ADAMTSL2: variants seen among roughly 807,000 people sequenced by gnomAD.
ADAMTSL2 encodes the protein ADAMTS-like protein 2.
Under a neutral mutation model 117.0 loss-of-function variants are expected in ADAMTSL2, and 55 were observed. The ratio of observed to expected loss-of-function variants is 0.47; its 90% CI spans 0.38 to 0.59. The LOEUF (loss-of-function observed/expected upper bound fraction) is 0.59. ADAMTSL2 is among the 20% of genes least tolerant of loss of function. The pLI, the probability that ADAMTSL2 is intolerant of heterozygous loss-of-function variation, is 0.00. For missense variants in ADAMTSL2, 1,182 were observed against 1,354.5 expected, an observed-to-expected ratio of 0.87 and a Z score of 2.00; for synonymous variants, 572 against 566.4, an observed-to-expected ratio of 1.01 and a Z score of -0.14.
Position 133,539,871 on chromosome 9 carries a change from C to A in ADAMTSL2, c.410C>A (p.Pro137Gln). The change falls in exon 5 of 19, where the codon CCG becomes CAG. Residue 137 changes from proline (P) to glutamine (Q), a missense_variant and splice_region_variant. Physicochemically the swap from Pro to Gln is moderately conservative, Grantham distance 76. Around this residue, in one of 3 missense-constraint regions of ADAMTSL2, gnomAD observed 372 missense variants for 463.4 expected, o/e 0.80. Coordinates refer to ENST00000651351, the MANE Select transcript of ADAMTSL2 (RefSeq NM_014694.4). ...ACGCACCAGTGGAAGCCTCTGTACC[C>A]GGGTACCTGCCGCCCTGGGGACCCA... ...GRTHQWKPLYPDDYVHISSKP... is the reference protein window; with the variant it reads ...GRTHQWKPLYQDDYVHISSKP... 1 of 1,550,902 alleles carries A rather than the reference C, an allele frequency of 6.4e-7. No homozygotes were observed. The highest frequency in any genetic ancestry group is 2.4e-5 in the East Asian group (1 of 40,922).
At chr9:133,536,935 A>G (rs1373961473) in intron 2 of ADAMTSL2, 133 bp downstream of exon 2, 59 of 1,440,754 alleles carry the variant, frequency 4.1e-5, no homozygotes, top group Non-Finnish European at 5.1e-5. Context: ...CTTGGCTCCT[A>G]GAAACTTCTG....
intron 7 of ADAMTSL2, among the ~76,000 whole-genome samples, chr9:133,541,642 G>A (rs936357930): frequency 1.1e-4 from 16 of 152,174 alleles, no homozygotes; most frequent in Admixed American, 4.6e-4. Context: ...TTCTCTCCAC[G>A]GATATGAGGT....
intron 12 of ADAMTSL2, among the ~76,000 whole-genome samples, chr9:133,563,008 G>A (rs1288128968): frequency 6.6e-6 from 1 of 151,964 alleles, no homozygotes; most frequent in Non-Finnish European, 1.5e-5. Flanking sequence ...TGTGGGCGGC[G>A]TGGTGGGCAC....
rs1831212356 is a variant in ADAMTSL2 at position 133,575,512 on chromosome 9, T to TGGC, written c.*652_*654dup. On this transcript the variant is annotated 3_prime_UTR_variant, in exon 19 of 19. Coordinates refer to ENST00000651351, the MANE Select transcript of ADAMTSL2 (RefSeq NM_014694.4). ...TACGTTAATAAAGTGGTCCTATTTA[T>TGGC]GGCGGCATCATGGGGTCTCAGTTGC... 6.5e-6 allele frequency: 1 copy of TGGC among 153,630 alleles called. No homozygotes were observed. Among genetic ancestry groups the TGGC allele is most frequent in the African/African-American group, 2.4e-5 (1 of 41,460 alleles). The allele number at this position is 153,630 out of a possible 1,614,324, so 9.5% of individuals were successfully genotyped here.
At chr9:133,552,784 G>A (rs1240280096) in intron 9 of ADAMTSL2, among the ~76,000 whole-genome samples, 3 of 152,120 alleles carry the variant, frequency 2.0e-5, no homozygotes, top group Admixed American at 2.0e-4. Context: ...CTGAACTATC[G>A]AGTTAAATGC....
At chr9:133,533,096 G>A (rs1341425966), upstream of ADAMTSL2, among the ~76,000 whole-genome samples, 1 of 152,190 alleles carries the variant, frequency 6.6e-6, no homozygotes, top group Non-Finnish European at 1.5e-5. Context: ...GAGAGAGGAA[G>A]GGGATGGCAG....
rs1288093909 is a variant in ADAMTSL2 at position 133,534,816 on chromosome 9, T to TGCACTCACGCCGCCCCC, written c.-247_-231dup. On this transcript the variant is annotated 5_prime_UTR_variant, in exon 1 of 19. The change creates a premature stop within an existing upstream ORF in the 5' untranslated region. Transcript: ENST00000651351. ...GAGAGGGAGGCCGGGCCGCAGCCTC[T>TGCACTCACGCCGCCCCC]GCACTCACGCCGCCCCCGCACGCAC... 15 of 1,493,036 alleles carry TGCACTCACGCCGCCCCC rather than the reference T, an allele frequency of 1.0e-5. No individual in the cohort carries two copies. In the African/African-American group the frequency reaches 2.2e-4, roughly 22 times the overall value. 92.5% of individuals were successfully genotyped at this position (1,493,036 alleles called of 1,614,324 possible). A position where few individuals can be genotyped will look rare whatever the true frequency, so the allele number is the denominator to read the frequency against.
At chr9:133,566,679 C>T (rs1830980823) in intron 12 of ADAMTSL2, among the ~76,000 whole-genome samples, 1 of 151,124 alleles carries the variant, frequency 6.6e-6, no homozygotes, top group South Asian at 2.1e-4. Context: ...GACTCAAAGC[C>T]CGGACTCCGT....
intron 8 of ADAMTSL2, 94 bp downstream of exon 8, chr9:133,544,644 C>A (rs1830306292): frequency 6.4e-6 from 7 of 1,086,356 alleles, no homozygotes; most frequent in Non-Finnish European, 9.9e-6. Flanking sequence ...TGGACCCCTT[C>A]CTCCAGGACA....
intron 9 of ADAMTSL2, among the ~76,000 whole-genome samples, chr9:133,548,413 G>T (rs974114830): frequency 6.6e-6 from 1 of 152,206 alleles, no homozygotes; most frequent in East Asian, 1.9e-4. Context: ...GTGTCTGGAG[G>T]TGGACTGACC....
At chr9:133,555,303 A>G (rs1194086427) in intron 10 of ADAMTSL2, among the ~76,000 whole-genome samples, 4 of 134,148 alleles carry the variant, frequency 3.0e-5, no homozygotes, top group East Asian at 2.6e-4. Flanking sequence ...GGGGGGGGCC[A>G]TGAATTTTGG....
chr9:133,545,591 G>T (rs549725990), intron 8 of ADAMTSL2, among the ~76,000 whole-genome samples: 2 of 152,326 alleles, frequency 1.3e-5, no homozygotes, highest in Non-Finnish European at 2.9e-5. Context: ...CTACTCCCTG[G>T]CCCGAGCGGG....
chr9:133,536,200 A>T (rs11524286), intron 1 of ADAMTSL2, among the ~76,000 whole-genome samples: 49,302 of 152,192 alleles, frequency 0.32, 8,492 homozygotes, highest in South Asian at 0.47. Flanking sequence ...CCTAGCAGCC[A>T]GTGGCAGAGG....
chr9:133,574,072 T>A (rs1831172745), intron 18 of ADAMTSL2, 85 bp downstream of exon 18: 2 of 1,495,216 alleles, frequency 1.3e-6, no homozygotes, highest in Non-Finnish European at 1.8e-6. Context: ...TGAGCAGACA[T>A]TGCTCACCTT....
In ADAMTSL2 at chr9:133,558,447, T is replaced by A. The variant is rs1269331505; in HGVS notation, c.1649+2517T>A. 2.0e-5 allele frequency among the ~76,000 whole-genome samples: 3 copies of A among 152,084 alleles called. No individual in the cohort carries two copies. Among genetic ancestry groups the A allele is most frequent in the African/African-American group, 7.2e-5 (3 of 41,402 alleles). The stretch of plus-strand genomic sequence containing the variant: ...ATCTTTCCAGAAAAGCTTCAAACAA[T>A]CAAGGGAGGGGCCCCTGTCACCAGA... On this transcript the variant is annotated intron_variant, in intron 11 of 18. Transcript: ENST00000651351. The surrounding 1 kb of genome is among the most constrained non-coding windows in gnomAD (Gnocchi z 4.3).
chr9:133,536,083 C>G (rs1830043813), intron 1 of ADAMTSL2, among the ~76,000 whole-genome samples: 1 of 152,192 alleles, frequency 6.6e-6, no homozygotes, highest in Non-Finnish European at 1.5e-5. Context: ...TGGGTTCTGC[C>G]TCACCTGAGT....
At chr9:133,540,196 C>G (rs1830181504) in intron 5 of ADAMTSL2, among the ~76,000 whole-genome samples, 1 of 152,242 alleles carries the variant, frequency 6.6e-6, no homozygotes, top group African/African-American at 2.4e-5. Flanking sequence ...CAAACGGAGA[C>G]TGCCCACACG....
chr9:133,551,296 G>GAC (rs145422438), intron 9 of ADAMTSL2, among the ~76,000 whole-genome samples: 25,337 of 145,490 alleles, frequency 0.17, 2,289 homozygotes, highest in Middle Eastern at 0.24. Context: ...CATCATAAGG[G>GAC]CCCCCCCACA....
intron 6 of ADAMTSL2, 31 bp from the exon 7 acceptor site, chr9:133,540,847 C>A: frequency 6.2e-7 from 1 of 1,613,272 alleles, no homozygotes; most frequent in Non-Finnish European, 8.5e-7. Flanking sequence ...CAGCGCCCTC[C>A]CAGCAGCCCT....
Sources: gnomAD v4.1 joint callset for allele counts (sites outside exome capture counted in the v4.1 genomes callset) on GRCh38, gnomAD v4.1.1 for gene constraint, gnomAD v4.1.1 regional missense constraint, Gnocchi (gnomAD v3.1) non-coding constraint, MANE v1.5 for transcripts, NCBI Gene and HGNC (gene_info 2026-07-23, HGNC 2026-07-21) for gene names.